Variants in DMTN observed in about 807,000 individuals in gnomAD.
The protein encoded by DMTN is dematin actin binding protein, also known as dematin.
DMTN carries 27 observed loss-of-function variants against 59.4 expected under a neutral mutation model. That is an observed-to-expected ratio of 0.45 (90% confidence interval 0.33 to 0.63). DMTN has a LOEUF of 0.63. Among genes scored for constraint, DMTN ranks in the 20% least tolerant of loss-of-function variants. The probability of loss-of-function intolerance (pLI) is 0.02; values close to 1 mark genes in which losing one functional copy is unlikely to be tolerated. For synonymous variants in DMTN, 221 were observed against 203.7 expected, an observed-to-expected ratio of 1.08 and a Z score of -0.72; for missense variants, 451 against 528.9, an observed-to-expected ratio of 0.85 and a Z score of 1.45.
upstream of DMTN, among the ~76,000 whole-genome samples, chr8:22,050,715 C>T (rs1254004211): frequency 6.6e-6 from 1 of 152,190 alleles, no homozygotes; most frequent in Non-Finnish European, 1.5e-5. Flanking sequence ...CTCATCCCAC[C>T]CCATCCCCGA....
At chr8:22,081,013 C>A in intron 14 of DMTN, 100 bp from the exon 15 acceptor site, 1 of 1,475,078 alleles carries the variant, frequency 6.8e-7, no homozygotes, top group Non-Finnish European at 9.4e-7. Context: ...GGCAAGATGG[C>A]ATGAACCCCA....
At chr8:22,059,964 G>T (rs1278057765) in intron 1 of DMTN, among the ~76,000 whole-genome samples, 4 of 152,084 alleles carry the variant, frequency 2.6e-5, no homozygotes, top group African/African-American at 9.7e-5. Flanking sequence ...GGGAGCTGTG[G>T]AGAGGAGAGG....
intron 8 of DMTN, 172 bp downstream of exon 8, chr8:22,070,506 TC>T: frequency 1.4e-6 from 1 of 716,674 alleles, no homozygotes; most frequent in Non-Finnish European, 2.1e-6. Flanking sequence ...CTCTCTGTGT[TC>T]CCATAGCGCT....
upstream of DMTN, among the ~76,000 whole-genome samples, chr8:22,049,572 C>T (rs1467830963): frequency 1.2e-4 from 2 of 17,332 alleles, no homozygotes; most frequent in African/African-American, 2.1e-4. Flanking sequence ...AGGGACAACC[C>T]CCCCCCCCCG....
chr8:22,066,832 G>T lies in DMTN; in HGVS notation c.-44G>T. On this transcript the variant is annotated 5_prime_UTR_variant, in exon 2 of 16. Transcript: ENST00000358242. ...CTGACACGCTGTCCTCTCCCCTCGCGCACAGGGCTCTGCGAGTGACCCGGC... is the reference window on the plus strand; with the variant it reads ...CTGACACGCTGTCCTCTCCCCTCGCTCACAGGGCTCTGCGAGTGACCCGGC... 7.0e-7 allele frequency: 1 copy of T among 1,421,726 alleles called. No homozygotes were observed. The highest frequency in any genetic ancestry group is 9.2e-7 in the Non-Finnish European group (1 of 1,085,512). The allele number at this position is 1,421,726 out of a possible 1,614,324, so 88.1% of individuals were successfully genotyped here.
In DMTN at chr8:22,081,727, T is replaced by G. The variant is rs529353265; in HGVS notation, c.*264T>G. The G allele has an allele frequency of 2.6e-4, 149 of 562,884 alleles. 1 individual carries two copies. The highest frequency in any genetic ancestry group is 8.2e-4 in the Middle Eastern group (2 of 2,434). 34.9% of individuals were successfully genotyped at this position (562,884 alleles called of 1,614,324 possible). ...GGGCTCTGGCACACAGAGTTCATGTTTGCGCCCTCTCCCTGCCCCTCACCC... is the reference window on the plus strand; with the variant it reads ...GGGCTCTGGCACACAGAGTTCATGTGTGCGCCCTCTCCCTGCCCCTCACCC... On this transcript the variant is annotated 3_prime_UTR_variant, in exon 16 of 16. Transcript: ENST00000358242.
At chr8:22,071,336 G>T (rs1303212443) in intron 8 of DMTN, among the ~76,000 whole-genome samples, 2 of 151,586 alleles carry the variant, frequency 1.3e-5, no homozygotes, top group Non-Finnish European at 2.9e-5. Flanking sequence ...GACCTCCAGT[G>T]ATCCACCCGC....
chr8:22,072,631 A>ATTTTTTTT (rs61068593), intron 9 of DMTN, among the ~76,000 whole-genome samples, 181 bp downstream of exon 9: 16 of 130,790 alleles, frequency 1.2e-4, no homozygotes, highest in African/African-American at 3.5e-4. Flanking sequence ...CGCCCAGCTA[A>ATTTTTTTT]TTTTTTTTTT....
In DMTN at chr8:22,065,827, C is replaced by CTTTTTTTT. The variant is rs76626050; in HGVS notation, c.-171-857_-171-850dup. Among the ~76,000 whole-genome samples the CTTTTTTTT allele has an allele frequency of 7.3e-3, 547 of 74,580 alleles. 8 individuals are homozygous for CTTTTTTTT. Among genetic ancestry groups the CTTTTTTTT allele is most frequent in the Non-Finnish European group, 9.7e-3 (400 of 41,336 alleles). 48.9% of individuals were successfully genotyped at this position (74,580 alleles called of 152,430 possible). On this transcript the variant is annotated intron_variant, in intron 1 of 15. Coordinates refer to ENST00000358242, the MANE Select transcript of DMTN (RefSeq NM_001387751.1). ...TCCGGCCTGGGCGACAGAGCAAGACCTTTTTTTTTTTTTTTTTTTTTTTTT... is the reference window on the plus strand; with the variant it reads ...TCCGGCCTGGGCGACAGAGCAAGACCTTTTTTTTTTTTTTTTTTTTTTTTTTTTTTTTT...
At chr8:22,074,771 G>T (rs970267946) in intron 10 of DMTN, among the ~76,000 whole-genome samples, 1 of 152,270 alleles carries the variant, frequency 6.6e-6, no homozygotes, top group East Asian at 1.9e-4. Context: ...GATGGGGAGC[G>T]GGGCAGGCTT....
intron 1 of DMTN, among the ~76,000 whole-genome samples, chr8:22,066,210 A>G (rs1810483521): frequency 6.6e-6 from 1 of 152,206 alleles, no homozygotes; most frequent in African/African-American, 2.4e-5. Flanking sequence ...GACGTGTGGA[A>G]TTTCCACCTG....
chr8:22,066,817 G>A lies in DMTN; in HGVS notation c.-59G>A. 1.4e-6 allele frequency: 2 copies of A among 1,422,470 alleles called. No homozygotes were observed. Among genetic ancestry groups the A allele is most frequent in the Non-Finnish European group, 1.8e-6 (2 of 1,085,802 alleles). The allele number at this position is 1,422,470 out of a possible 1,614,324, so 88.1% of individuals were successfully genotyped here. A position where few individuals can be genotyped will look rare whatever the true frequency, so the allele number is the denominator to read the frequency against. On this transcript the variant is annotated 5_prime_UTR_variant, in exon 2 of 16. Coordinates refer to ENST00000358242, the MANE Select transcript of DMTN (RefSeq NM_001387751.1). ...GCAGCCGCGCCGAGCCTGACACGCT[G>A]TCCTCTCCCCTCGCGCACAGGGCTC...
chr8:22,072,274 C>A, intron 8 of DMTN, 52 bp from the exon 9 acceptor site: 1 of 1,556,206 alleles, frequency 6.4e-7, no homozygotes, highest in Non-Finnish European at 8.7e-7. Flanking sequence ...TGTAAACACA[C>A]ACTGACCCCA....
chr8:22,069,352 C>A, intron 5 of DMTN, 67 bp from the exon 6 acceptor site: 1 of 1,352,326 alleles, frequency 7.4e-7, no homozygotes, highest in South Asian at 1.2e-5. Flanking sequence ...GTGGTGTGAG[C>A]TGATGGGGTG....
chr8:22,075,497 T>A lies in DMTN; in HGVS notation c.835+1662T>A, dbSNP rs576585793. ...CTGAGTAGCTGGGATTACAGGTGCA[T>A]GCCACCATGCCCAGCTAAATTTTTT... On this transcript the variant is annotated intron_variant, in intron 10 of 15. Coordinates refer to ENST00000358242, the MANE Select transcript of DMTN (RefSeq NM_001387751.1). 1.0e-3 allele frequency among the ~76,000 whole-genome samples: 149 copies of A among 142,820 alleles called. 1 individual carries two copies. The highest frequency in any genetic ancestry group is 3.7e-3 in the African/African-American group (144 of 38,572). 93.7% of individuals were successfully genotyped at this position (142,820 alleles called of 152,430 possible). A position where few individuals can be genotyped will look rare whatever the true frequency, so the allele number is the denominator to read the frequency against.
At chr8:22,056,181 T>C (rs878949252), upstream of DMTN, among the ~76,000 whole-genome samples, 2 of 152,136 alleles carry the variant, frequency 1.3e-5, no homozygotes, top group Admixed American at 1.3e-4. Context: ...GAAGCCACCC[T>C]AGGGAGAGAT....
chr8:22,057,595 G>A (rs1467576097), intron 1 of DMTN, among the ~76,000 whole-genome samples: 1 of 152,212 alleles, frequency 6.6e-6, no homozygotes, highest in Non-Finnish European at 1.5e-5. Context: ...TTTAGGGGGA[G>A]TGGGAGGAGA....
rs983668235 is a variant in DMTN at position 22,066,791 on chromosome 8, A to C, written c.-85A>C. On this transcript the variant is annotated 5_prime_UTR_variant, in exon 2 of 16. Transcript: ENST00000358242. ...TCGCGGCCCCAAGCGCGCAGCGCCC[A>C]GCAGCCGCGCCGAGCCTGACACGCT... 29 of 1,380,266 alleles carry C rather than the reference A, an allele frequency of 2.1e-5. No individual in the cohort carries two copies. Among genetic ancestry groups the C allele is most frequent in the Non-Finnish European group, 2.7e-5 (29 of 1,056,896 alleles). The allele number at this position is 1,380,266 out of a possible 1,614,324, so 85.5% of individuals were successfully genotyped here. A position where few individuals can be genotyped will look rare whatever the true frequency, so the allele number is the denominator to read the frequency against.
intron 8 of DMTN, among the ~76,000 whole-genome samples, chr8:22,071,451 G>A (rs1451662880): frequency 6.6e-6 from 1 of 151,942 alleles, no homozygotes; most frequent in East Asian, 1.9e-4. Context: ...CTGGAGTGCA[G>A]TGGCGAGATC....
Sources: gnomAD v4.1 joint callset for allele counts (sites outside exome capture counted in the v4.1 genomes callset) on GRCh38, gnomAD v4.1.1 for gene constraint, MANE v1.5 for transcripts, NCBI Gene and HGNC (gene_info 2026-07-23, HGNC 2026-07-21) for gene names.